The following FAM117B variants were observed in gnomAD, a reference collection of about 807,000 sequenced individuals.
FAM117B encodes the protein protein FAM117B.
FAM117B carries 22 observed loss-of-function variants against 52.8 expected under a neutral mutation model. The observed-to-expected ratio is 0.42, with a 90% confidence interval of 0.30 to 0.59. The LOEUF (loss-of-function observed/expected upper bound fraction) is 0.59, where lower values mean the gene tolerates loss of function less well. FAM117B is among the 20% of genes least tolerant of loss of function. The pLI is 0.22. For missense variants in FAM117B, 678 were observed against 802.6 expected (o/e 0.84, Z 1.88); for synonymous variants, 309 against 324.1 (o/e 0.95, Z 0.50).
At chr2:202,668,069 A>G (rs1047155442) in intron 1 of FAM117B, among the ~76,000 whole-genome samples, 82 of 145,212 alleles carry the variant, frequency 5.6e-4, no homozygotes, top group African/African-American at 2.0e-3. Flanking sequence ...TATATATTGT[A>G]AATATATATC....
At position 202,635,131 on chromosome 2, in the gene FAM117B, C is replaced by T. The variant is rs1429276139; in HGVS notation, c.-57C>T. On this transcript the variant is annotated 5_prime_UTR_variant, in exon 1 of 8. Transcript: ENST00000392238. Reference sequence around the variant, plus strand: ...TCCGGCCTCGAGAATCCTCCCCCTGCAGCCCAACAACAACAAAACCCCCCG... The same window carrying T: ...TCCGGCCTCGAGAATCCTCCCCCTGTAGCCCAACAACAACAAAACCCCCCG... 7 of 1,250,448 alleles carry T rather than the reference C, an allele frequency of 5.6e-6. No individual in the cohort carries two copies. The South Asian group carries it at 1.9e-4, about 34-fold the overall frequency. The allele number at this position is 1,250,448 out of a possible 1,614,324, so 77.5% of individuals were successfully genotyped here. A position where few individuals can be genotyped will look rare whatever the true frequency, so the allele number is the denominator to read the frequency against.
intron 4 of FAM117B, among the ~76,000 whole-genome samples, chr2:202,730,979 C>T (rs1691335475): frequency 6.6e-6 from 1 of 152,080 alleles, no homozygotes; most frequent in Non-Finnish European, 1.5e-5. Flanking sequence ...TAGGATAACC[C>T]ACAAATCATA....
chr2:202,637,424 A>G (rs1689705744), intron 1 of FAM117B, among the ~76,000 whole-genome samples: 1 of 150,824 alleles, frequency 6.6e-6, no homozygotes, highest in Admixed American at 6.6e-5. Flanking sequence ...TGCCCGGCTA[A>G]TTTTTGTATT....
chr2:202,700,239 G>A (rs529217463), intron 2 of FAM117B, among the ~76,000 whole-genome samples: 2 of 152,320 alleles, frequency 1.3e-5, no homozygotes, highest in Admixed American at 6.5e-5. Flanking sequence ...CACGTCAAAA[G>A]CTGAGATAGG....
chr2:202,715,522 T>C (rs1315611183), intron 2 of FAM117B, among the ~76,000 whole-genome samples: 6 of 132,910 alleles, frequency 4.5e-5, no homozygotes, highest in Non-Finnish European at 9.6e-5. Context: ...TCTCAGACGA[T>C]GGGCGGCCGG....
At chr2:202,749,883 T>C (rs1176080396) in intron 4 of FAM117B, among the ~76,000 whole-genome samples, 1 of 152,192 alleles carries the variant, frequency 6.6e-6, no homozygotes, top group Non-Finnish European at 1.5e-5. Flanking sequence ...ATCTCTGGCT[T>C]ATGTTTAAGT....
rs1405895142 is a variant in FAM117B, at chr2:202,724,945, C to A, written c.782C>A (p.Ser261Tyr). 5.6e-6 allele frequency: 9 copies of A among 1,612,544 alleles called. No individual in the cohort carries two copies. Among genetic ancestry groups the A allele is most frequent in the Non-Finnish European group, 6.8e-6 (8 of 1,179,156 alleles). ...QTESAWAEEY[S>Y]EKKKGSHKRS... ...GAGAGTGCATGGGCTGAAGAATACTCTGAAAAGAAGAAAGGGTCTCACAAG... is the reference window on the plus strand; with the variant it reads ...GAGAGTGCATGGGCTGAAGAATACTATGAAAAGAAGAAAGGGTCTCACAAG... Residue 261 changes from serine to tyrosine, a missense_variant, in exon 3 of 8, where the codon TCT (serine) becomes TAT (tyrosine). Ser to Tyr is a moderately radical substitution (Grantham distance 144, BLOSUM62 -2). Around this residue, in one of 3 missense-constraint regions of FAM117B, gnomAD observed 583 missense variants for 644.8 expected, o/e 0.90. Transcript: ENST00000392238.
chr2:202,637,069 G>C (rs1269206393), intron 1 of FAM117B, among the ~76,000 whole-genome samples: 2 of 151,788 alleles, frequency 1.3e-5, no homozygotes, highest in Admixed American at 6.6e-5. Flanking sequence ...GCTAATTTTT[G>C]TATTTTTAGT....
At chr2:202,765,403 G>A in intron 7 of FAM117B, 43 bp from the exon 8 acceptor site, 1 of 1,334,038 alleles carries the variant, frequency 7.5e-7, no homozygotes, top group South Asian at 1.5e-5. Flanking sequence ...TATTTTTTAA[G>A]TTCAGTGACT....
chr2:202,637,765 T>A (rs1689710169), intron 1 of FAM117B, among the ~76,000 whole-genome samples: 1 of 152,080 alleles, frequency 6.6e-6, no homozygotes, highest in Non-Finnish European at 1.5e-5. Flanking sequence ...TCAGTTGTAC[T>A]CCAAAGACCA....
chr2:202,716,057 C>CAGAGGGAGACCGTGGAAAGGGG (rs1691050224), intron 2 of FAM117B, among the ~76,000 whole-genome samples: 1 of 152,182 alleles, frequency 6.6e-6, no homozygotes, highest in African/African-American at 2.4e-5. Flanking sequence ...GGCTCGGCAT[C>CAGAGGGAGACCGTGGAAAGGGG]AGAGGGAGAC....
intron 4 of FAM117B, among the ~76,000 whole-genome samples, chr2:202,745,674 AAGAACCATT>A (rs1293066531): frequency 6.6e-6 from 1 of 152,216 alleles, no homozygotes; most frequent in African/African-American, 2.4e-5. Flanking sequence ...GTAATAAAAT[AAGAACCATT>A]AGTATGCTGC....
Position 202,696,024 on chromosome 2 carries a change from G to A in FAM117B, c.745G>A (p.Ala249Thr), listed in dbSNP as rs774171157. The A allele has an allele frequency of 6.2e-7, 1 of 1,613,848 alleles. No homozygotes were observed. The highest frequency in any genetic ancestry group is 1.1e-5 in the South Asian group (1 of 91,022). The change falls in exon 2 of 8, where the codon GCT (alanine) becomes ACT (threonine). Residue 249 changes from alanine to threonine, a missense_variant. Coordinates refer to ENST00000392238, the MANE Select transcript of FAM117B (RefSeq NM_173511.4). The part of the protein sequence containing the change: ...GQAAPCMRDK[A>T]TQTESAWAEE... ...AGCTGCACCTTGCATGAGGGACAAA[G>A]CTACACAGGTAAGCTTATTATAGTT...
rs1236574060 is a variant in FAM117B, at chr2:202,769,112, C to T, written c.*3348C>T. 6.6e-6 allele frequency: 1 copy of T among 152,114 alleles called. No homozygotes were observed. The highest frequency in any genetic ancestry group is 1.5e-5 in the Non-Finnish European group (1 of 68,028). 9.4% of individuals were successfully genotyped at this position (152,114 alleles called of 1,614,324 possible). ...TATTTCTTATACTTAATACTTATGACTACAGTCCAAATCAGTCTTTTAGAA... is the reference window on the plus strand; with the variant it reads ...TATTTCTTATACTTAATACTTATGATTACAGTCCAAATCAGTCTTTTAGAA... On this transcript the variant is annotated 3_prime_UTR_variant, in exon 8 of 8. Transcript: ENST00000392238.
At chr2:202,742,534 A>G (rs1435949903) in intron 4 of FAM117B, among the ~76,000 whole-genome samples, 1 of 152,208 alleles carries the variant, frequency 6.6e-6, no homozygotes, top group Non-Finnish European at 1.5e-5. Flanking sequence ...CAACCTCTAA[A>G]TGGATTAAGG....
intron 1 of FAM117B, among the ~76,000 whole-genome samples, chr2:202,644,766 T>C (rs1689835300): frequency 6.6e-6 from 1 of 152,254 alleles, no homozygotes; most frequent in South Asian, 2.1e-4. Context: ...CTTCATCTTC[T>C]AGCTTTTGGA....
chr2:202,702,166 G>A, intron 2 of FAM117B, among the ~76,000 whole-genome samples: 1 of 152,152 alleles, frequency 6.6e-6, no homozygotes, highest in Non-Finnish European at 1.5e-5. Flanking sequence ...GACGAGGTGG[G>A]CAGGTCATGA....
chr2:202,654,345 A>C (rs781310114), intron 1 of FAM117B, among the ~76,000 whole-genome samples: 1 of 149,126 alleles, frequency 6.7e-6, no homozygotes, highest in East Asian at 1.9e-4. Context: ...TTTGTTCTCT[A>C]TCTGTTTGGA....
chr2:202,662,124 GTGTGTGTGTGTGTGTA>G (rs1394587213), intron 1 of FAM117B, among the ~76,000 whole-genome samples: 2 of 151,404 alleles, frequency 1.3e-5, no homozygotes, highest in African/African-American at 4.9e-5. Flanking sequence ...AGGTAGGTGT[GTGTGTGTGTGTGTGTA>G]TGTGTGTATG....
Sources: gnomAD v4.1 joint callset for allele counts (sites outside exome capture counted in the v4.1 genomes callset) on GRCh38, gnomAD v4.1.1 for gene constraint, gnomAD v4.1.1 regional missense constraint, MANE v1.5 for transcripts, NCBI Gene and HGNC (gene_info 2026-07-23, HGNC 2026-07-21) for gene names.